Variants in CYP7B1 observed in about 807,000 individuals in gnomAD.
The protein encoded by CYP7B1 is cytochrome P450 family 7 subfamily B member 1.
Under a neutral mutation model 42.7 loss-of-function variants are expected in CYP7B1, and 29 were observed. The observed-to-expected ratio is 0.68, with a 90% CI of 0.51 to 0.93. The LOEUF (loss-of-function observed/expected upper bound fraction) is 0.93, where lower values mean the gene tolerates loss of function less well. CYP7B1 is among the 40% of genes least tolerant of loss of function. The pLI is 0.00. For missense variants in CYP7B1, 655 were observed against 600.5 expected, an observed-to-expected ratio of 1.09 and a Z score of -0.95; for synonymous variants, 235 against 218.2, an observed-to-expected ratio of 1.08 and a Z score of -0.68.
intron 1 of CYP7B1, among the ~76,000 whole-genome samples, chr8:64,656,733 G>A (rs1806126212): frequency 6.6e-6 from 1 of 152,216 alleles, no homozygotes; most frequent in African/African-American, 2.4e-5. Context: ...AATCCTTTCA[G>A]TTGGTACAGT....
chr8:64,731,418 C>T (rs1807406938), intron 1 of CYP7B1, among the ~76,000 whole-genome samples: 1 of 152,108 alleles, frequency 6.6e-6, no homozygotes, highest in Non-Finnish European at 1.5e-5. Context: ...CAGCATTTTG[C>T]CCCTGCCCTC....
intron 1 of CYP7B1, among the ~76,000 whole-genome samples, chr8:64,774,722 G>A (rs1353459072): frequency 2.6e-5 from 4 of 152,098 alleles, no homozygotes; most frequent in South Asian, 2.1e-4. Context: ...CTTGCCTCAC[G>A]GTTTCCCATT....
At chr8:64,629,207 A>T (rs1805652236) in intron 1 of CYP7B1, among the ~76,000 whole-genome samples, 2 of 139,694 alleles carry the variant, frequency 1.4e-5, no homozygotes, top group African/African-American at 2.7e-5. Context: ...AGCTCGGGTG[A>T]CAGTGTGAGA....
intron 1 of CYP7B1, among the ~76,000 whole-genome samples, chr8:64,680,297 CAAG>C (rs1386765662): frequency 1.3e-5 from 2 of 151,990 alleles, no homozygotes; most frequent in African/African-American, 4.8e-5. Context: ...GCTTTCCTTT[CAAG>C]AACACTCTCA....
intron 1 of CYP7B1, among the ~76,000 whole-genome samples, chr8:64,682,620 C>T (rs1033189204): frequency 6.6e-6 from 1 of 152,164 alleles, no homozygotes; most frequent in Non-Finnish European, 1.5e-5. Flanking sequence ...TGTCTGTGTT[C>T]CCCACCTTTC....
At chr8:64,639,112 T>C (rs1805816334) in intron 1 of CYP7B1, among the ~76,000 whole-genome samples, 1 of 151,934 alleles carries the variant, frequency 6.6e-6, no homozygotes. Flanking sequence ...TTTCCTTCTC[T>C]ATAAATAGGA....
chr8:64,615,949 C>T lies in CYP7B1; in HGVS notation c.592G>A (p.Gly198Arg). ...TTGTTGTCACAAACAATAACTTTTC[C>T]ATATATAGTTGTAAATGTGATCTCA... ...IFEITFTTIY[G>R]KVIVCDNNKF... Residue 198 changes from glycine to arginine, a missense_variant, in exon 3 of 6, where the codon GGA (glycine) becomes AGA (arginine). Coordinates refer to ENST00000310193, the MANE Select transcript of CYP7B1 (RefSeq NM_004820.5). 4 of 1,613,494 alleles carry T rather than the reference C, an allele frequency of 2.5e-6. No homozygotes were observed. The highest frequency in any genetic ancestry group is 3.4e-6 in the Non-Finnish European group (4 of 1,179,762).
At chr8:64,698,843 TAA>T in intron 1 of CYP7B1, among the ~76,000 whole-genome samples, 1 of 152,312 alleles carries the variant, frequency 6.6e-6, no homozygotes, top group Middle Eastern at 3.4e-3. Flanking sequence ...GTTATAGTTT[TAA>T]AGACTCCTAT....
intron 4 of CYP7B1, among the ~76,000 whole-genome samples, chr8:64,611,523 A>G (rs570073521): frequency 6.6e-6 from 1 of 152,248 alleles, no homozygotes; most frequent in East Asian, 1.9e-4. Context: ...AACTACTCAC[A>G]ATCGGCTTCA....
chr8:64,602,850 T>G (rs1805222694), intron 5 of CYP7B1, among the ~76,000 whole-genome samples: 1 of 152,244 alleles, frequency 6.6e-6, no homozygotes, highest in Non-Finnish European at 1.5e-5. Context: ...AACTGATATG[T>G]CTGAGAGTGG....
chr8:64,728,022 A>G (rs1392711268), intron 1 of CYP7B1: 1 of 152,240 alleles, frequency 6.6e-6, no homozygotes, highest in South Asian at 2.1e-4. Context: ...TCATTTGGAC[A>G]ATAGGGTCAT....
chr8:64,621,989 G>A (rs867191153), intron 2 of CYP7B1, among the ~76,000 whole-genome samples: 22 of 151,450 alleles, frequency 1.5e-4, no homozygotes, highest in African/African-American at 4.4e-4. Context: ...TGATCCACCC[G>A]CCTCAGACTG....
chr8:64,627,846 A>G (rs1207114267), intron 1 of CYP7B1, among the ~76,000 whole-genome samples: 1 of 152,234 alleles, frequency 6.6e-6, no homozygotes, highest in African/African-American at 2.4e-5. Flanking sequence ...TTGAAGATAG[A>G]TAACAGAAAT....
chr8:64,764,233 C>CA (rs1187489819), intron 1 of CYP7B1, among the ~76,000 whole-genome samples: 2 of 136,914 alleles, frequency 1.5e-5, no homozygotes. Context: ...CACGCTGCCC[C>CA]CCCCACCCCC....
intron 1 of CYP7B1, among the ~76,000 whole-genome samples, chr8:64,789,704 C>T (rs1804587469): frequency 6.6e-6 from 1 of 152,208 alleles, no homozygotes; most frequent in Admixed American, 6.5e-5. Flanking sequence ...AAGGACAGCA[C>T]CCACTACAAA....
chr8:64,634,709 A>AT lies in CYP7B1; in HGVS notation c.123-10171dup, dbSNP rs930430580. 4.6e-4 allele frequency among the ~76,000 whole-genome samples: 70 copies of AT among 152,288 alleles called. 1 individual carries two copies. Among genetic ancestry groups the AT allele is most frequent in the East Asian group, 1.2e-3 (6 of 5,184 alleles). ...CAGTCTACAAATGAATCAAAGGTTG[A>AT]TTTTTTTAAAAAAGCTCAACATTCC... On this transcript the variant is annotated intron_variant, in intron 1 of 5. Transcript: ENST00000310193.
chr8:64,685,986 G>A (rs1374449070), intron 1 of CYP7B1, among the ~76,000 whole-genome samples: 9 of 37,696 alleles, frequency 2.4e-4, no homozygotes, highest in South Asian at 7.9e-4. Flanking sequence ...GCCTCTGCCC[G>A]GCCGCCCCTA....
At chr8:64,752,316 T>C (rs1234861086) in intron 1 of CYP7B1, among the ~76,000 whole-genome samples, 1 of 152,180 alleles carries the variant, frequency 6.6e-6, no homozygotes, top group Admixed American at 6.6e-5. Context: ...CAGGTCTACA[T>C]ATTTTGGAAT....
At chr8:64,749,106 A>G (rs1282231929) in intron 1 of CYP7B1, among the ~76,000 whole-genome samples, 2 of 151,156 alleles carry the variant, frequency 1.3e-5, no homozygotes, top group African/African-American at 2.4e-5. Context: ...TTTGAGACGG[A>G]GTCTTGCTCT....
Sources: gnomAD v4.1 joint callset for allele counts (sites outside exome capture counted in the v4.1 genomes callset) on GRCh38, gnomAD v4.1.1 for gene constraint, MANE v1.5 for transcripts, NCBI Gene and HGNC (gene_info 2026-07-23, HGNC 2026-07-21) for gene names.